Variants in CEP63 observed in about 807,000 individuals in gnomAD.
The protein encoded by CEP63 is centrosomal protein of 63 kDa.
In CEP63, 84 loss-of-function variants were observed where a neutral mutation model predicts 89.1. That is an observed-to-expected ratio of 0.94 (90% CI 0.79 to 1.13). The LOEUF is 1.13. CEP63 is among the 50% of genes most tolerant of loss of function. The pLI, the probability that CEP63 is intolerant of heterozygous loss-of-function variation, is 0.00. For missense variants in CEP63, 838 were observed against 813.3 expected, an observed-to-expected ratio of 1.03 and a Z score of -0.37; for synonymous variants, 267 against 272.5, an observed-to-expected ratio of 0.98 and a Z score of 0.20.
At chr3:134,503,818 TA>T (rs1468615867) in intron 2 of CEP63, among the ~76,000 whole-genome samples, 3 of 67,876 alleles carry the variant, frequency 4.4e-5, no homozygotes, top group Non-Finnish European at 1.0e-4. Context: ...GATATAGGAA[TA>T]ACTACTCCTG....
chr3:134,623,712 C>T, the CEP63 span, among the ~76,000 whole-genome samples: 1 of 152,126 alleles, frequency 6.6e-6, no homozygotes, highest in East Asian at 1.9e-4. Flanking sequence ...CTGTGCACTG[C>T]CCCTCTGGAG....
At chr3:134,504,650 G>A (rs1394036529) in intron 2 of CEP63, among the ~76,000 whole-genome samples, 3 of 152,056 alleles carry the variant, frequency 2.0e-5, no homozygotes, top group Non-Finnish European at 2.9e-5. Flanking sequence ...TATATCTTTT[G>A]CAAGAATTGG....
At chr3:134,766,167 G>C in the CEP63 span, among the ~76,000 whole-genome samples, 1 of 152,156 alleles carries the variant, frequency 6.6e-6, no homozygotes, top group East Asian at 1.9e-4. Flanking sequence ...AATGTATTTG[G>C]GTGCAGGGCC....
At chr3:134,640,340 A>T in the CEP63 span, among the ~76,000 whole-genome samples, 1 of 152,208 alleles carries the variant, frequency 6.6e-6, no homozygotes, top group East Asian at 1.9e-4. Flanking sequence ...ACATGGGTTC[A>T]ACTTCTGGGT....
At chr3:134,741,057 A>C in the CEP63 span, among the ~76,000 whole-genome samples, 1 of 152,144 alleles carries the variant, frequency 6.6e-6, no homozygotes, top group East Asian at 1.9e-4. Flanking sequence ...AGCTGAGGGC[A>C]GCTGCAAATT....
At chr3:134,567,202 C>A (rs1957806087), downstream of CEP63, among the ~76,000 whole-genome samples, 3 of 149,464 alleles carry the variant, frequency 2.0e-5, no homozygotes, top group Non-Finnish European at 3.0e-5. Context: ...ATGAATTGCC[C>A]AGAATTGACA....
chr3:134,488,875 A>G (rs547778347), intron 1 of CEP63, among the ~76,000 whole-genome samples: 1 of 151,226 alleles, frequency 6.6e-6, no homozygotes, highest in Non-Finnish European at 1.5e-5. Context: ...TTCAGTTCCT[A>G]GGCTGGGCGC....
chr3:134,601,429 A>G, the CEP63 span, among the ~76,000 whole-genome samples: 1 of 152,216 alleles, frequency 6.6e-6, no homozygotes, highest in Non-Finnish European at 1.5e-5. Context: ...GGACTAAGCG[A>G]GGCAGCCAGC....
intron 10 of CEP63, among the ~76,000 whole-genome samples, chr3:134,584,271 G>T (rs1393356512): frequency 1.3e-5 from 2 of 152,160 alleles, no homozygotes; most frequent in Non-Finnish European, 1.5e-5. Flanking sequence ...CAAAGGGAAT[G>T]CCTCCAATTT....
chr3:134,726,298 C>T, the CEP63 span, among the ~76,000 whole-genome samples: 284 of 152,248 alleles, frequency 1.9e-3, 3 homozygotes, highest in African/African-American at 6.5e-3. Context: ...TTCTGGGCGC[C>T]ACCAGGCCAC....
chr3:134,604,267 A>G, the CEP63 span: 1 of 1,613,790 alleles, frequency 6.2e-7, no homozygotes, highest in Non-Finnish European at 8.5e-7. Flanking sequence ...ATTGCACTTG[A>G]GCGTGTACTC....
chr3:134,494,864 C>G (rs1939212121), intron 1 of CEP63, among the ~76,000 whole-genome samples: 2 of 152,136 alleles, frequency 1.3e-5, no homozygotes, highest in South Asian at 4.1e-4. Flanking sequence ...AGTTTAATCT[C>G]AGTACACTTC....
At chr3:134,678,771 T>G in the CEP63 span, among the ~76,000 whole-genome samples, 305 of 152,314 alleles carry the variant, frequency 2.0e-3, 7 homozygotes, top group East Asian at 0.051. Context: ...CTCACTGTGC[T>G]GCTGCTACAG....
At chr3:134,654,454 T>C in the CEP63 span, among the ~76,000 whole-genome samples, 4 of 152,160 alleles carry the variant, frequency 2.6e-5, no homozygotes, top group East Asian at 1.9e-4. Flanking sequence ...ATTTTCTCCA[T>C]TGATGACGTG....
rs1218960189 is a variant in CEP63 at position 134,581,825 on chromosome 3, G to A, written c.1207-5633G>A. Among the ~76,000 whole-genome samples, 6 of 149,726 alleles carry A rather than the reference G, an allele frequency of 4.0e-5. No homozygotes were observed. The East Asian group carries it at 8.2e-4, about 20-fold the overall frequency. ...CGAGTAGCTGGGACTACAGGCGCCC[G>A]CTACCACGCCCGGCTAATTTGTTGT... On this transcript the variant is annotated intron_variant, in intron 10 of 10. Transcript: ENST00000683931.
chr3:134,542,488 G>T (rs778891201), intron 6 of CEP63, among the ~76,000 whole-genome samples: 1 of 152,178 alleles, frequency 6.6e-6, no homozygotes, highest in Non-Finnish European at 1.5e-5. Flanking sequence ...TGAGGCTGTG[G>T]CCTGCACTGG....
At chr3:134,710,966 CGCCTCA>C in the CEP63 span, among the ~76,000 whole-genome samples, 1 of 151,938 alleles carries the variant, frequency 6.6e-6, no homozygotes, top group Non-Finnish European at 1.5e-5. Context: ...GTGATCTGCC[CGCCTCA>C]GCCTCTCAAA....
At chr3:134,598,534 A>G in the CEP63 span, among the ~76,000 whole-genome samples, 1 of 152,194 alleles carries the variant, frequency 6.6e-6, no homozygotes, top group Non-Finnish European at 1.5e-5. Flanking sequence ...GTGGACAGTA[A>G]TAGGGCCGGG....
At chr3:134,618,582 T>G in the CEP63 span, among the ~76,000 whole-genome samples, 1 of 135,750 alleles carries the variant, frequency 7.4e-6, no homozygotes, top group Non-Finnish European at 1.5e-5. Flanking sequence ...GAACTGGCAA[T>G]GGCCTGTTCT....
Sources: allele counts gnomAD v4.1 joint callset (sites outside exome capture counted in the v4.1 genomes callset), GRCh38; gene constraint gnomAD v4.1.1; transcripts MANE v1.5; gene names NCBI Gene and HGNC (gene_info 2026-07-23, HGNC 2026-07-21).